PARD3B: variants seen among roughly 807,000 people sequenced by gnomAD.
The protein encoded by PARD3B is par-3 family cell polarity regulator beta, also known as partitioning defective 3 homolog B.
Under a neutral mutation model 130.2 loss-of-function variants are expected in PARD3B, and 103 were observed. The observed-to-expected ratio is 0.79, with a 90% confidence interval of 0.67 to 0.93. The LOEUF is 0.93. Among genes scored for constraint, PARD3B ranks in the 40% least tolerant of loss-of-function variants. The probability of loss-of-function intolerance (pLI) is 0.00; values close to 1 mark genes in which losing one functional copy is unlikely to be tolerated. For missense variants in PARD3B, 1,609 were observed against 1,499.2 expected (o/e 1.07, Z -1.21); for synonymous variants, 583 against 553.2 (o/e 1.05, Z -0.76).
intron 1 of PARD3B, among the ~76,000 whole-genome samples, chr2:204,640,910 A>ATATATTTACTATATATAATG (rs1228079946): frequency 1.4e-5 from 2 of 148,126 alleles, no homozygotes; most frequent in Non-Finnish European, 3.0e-5. Flanking sequence ...TATTTTATAT[A>ATATATTTACTATATATAATG]TATATTTACT....
chr2:204,947,660 C>G (rs1022876237), intron 2 of PARD3B, among the ~76,000 whole-genome samples: 1 of 149,598 alleles, frequency 6.7e-6, no homozygotes, highest in Non-Finnish European at 1.5e-5. Flanking sequence ...TTTTTCCAGG[C>G]CTTAGTTGTT....
chr2:205,371,416 C>A (rs529406935), intron 18 of PARD3B, among the ~76,000 whole-genome samples: 1 of 152,210 alleles, frequency 6.6e-6, no homozygotes, highest in African/African-American at 2.4e-5. Context: ...AAGTTTTGAA[C>A]TATGGTCTGT....
chr2:204,734,132 C>A (rs2039641163), intron 2 of PARD3B, among the ~76,000 whole-genome samples: 1 of 151,924 alleles, frequency 6.6e-6, no homozygotes, highest in African/African-American at 2.4e-5. Context: ...GACATATTTC[C>A]AAAAAAGATA....
At chr2:205,057,657 G>GTA (rs138069446) in intron 4 of PARD3B, among the ~76,000 whole-genome samples, 9,208 of 68,792 alleles carry the variant, frequency 0.13, 837 homozygotes, top group Admixed American at 0.15. Flanking sequence ...ATGTGTATAC[G>GTA]TACATATACA....
chr2:204,707,918 G>A (rs2038254885), intron 2 of PARD3B, among the ~76,000 whole-genome samples: 2 of 151,990 alleles, frequency 1.3e-5, no homozygotes, highest in African/African-American at 2.4e-5. Context: ...ACCCAGAGGC[G>A]GCCACGGGGA....
chr2:205,196,201 A>G (rs11898891), intron 15 of PARD3B, among the ~76,000 whole-genome samples: 29,045 of 152,004 alleles, frequency 0.19, 3,119 homozygotes, highest in African/African-American at 0.29. Context: ...ATCTATGTAC[A>G]TGTCCACATC....
chr2:205,207,482 A>G lies in PARD3B; in HGVS notation c.2140+14162A>G, dbSNP rs936708884. On this transcript the variant is annotated intron_variant, in intron 15 of 22. Transcript: ENST00000406610. ...TGATAGACCGCTAGCAAGACTAATA[A>G]AGAAAAAAAGAGAGATGAATCAAAT... 1.0e-4 allele frequency among the ~76,000 whole-genome samples: 15 copies of G among 146,312 alleles called. 1 individual carries two copies. Among genetic ancestry groups the G allele is most frequent in the African/African-American group, 4.0e-4 (15 of 37,902 alleles).
intron 4 of PARD3B, among the ~76,000 whole-genome samples, chr2:205,103,099 TTTTTATATTTATA>T (rs1232191213): frequency 2.0e-5 from 3 of 146,790 alleles, no homozygotes; most frequent in Non-Finnish European, 3.0e-5. Flanking sequence ...TATTTTTTTA[TTTTTATATTTATA>T]TTTTATATTT....
intron 20 of PARD3B, among the ~76,000 whole-genome samples, chr2:205,469,328 C>T (rs1020818821): frequency 7.2e-5 from 11 of 152,120 alleles, no homozygotes; most frequent in Non-Finnish European, 1.2e-4. Flanking sequence ...CTAGTCAGCA[C>T]GGCTTCCTTC....
intron 20 of PARD3B, among the ~76,000 whole-genome samples, chr2:205,483,828 G>A (rs997311077): frequency 6.6e-6 from 1 of 151,994 alleles, no homozygotes; most frequent in Non-Finnish European, 1.5e-5. Flanking sequence ...ATTGGAAGGG[G>A]GGAAGCTTCT....
At chr2:205,172,708 A>G (rs1424650559) in intron 12 of PARD3B, among the ~76,000 whole-genome samples, 2 of 152,192 alleles carry the variant, frequency 1.3e-5, no homozygotes, top group Admixed American at 1.3e-4. Context: ...AAAGTGTCTA[A>G]TCACATGTGT....
At chr2:204,742,713 A>C (rs942448320) in intron 2 of PARD3B, among the ~76,000 whole-genome samples, 3 of 152,196 alleles carry the variant, frequency 2.0e-5, no homozygotes, top group African/African-American at 7.2e-5. Context: ...ATGATTGCTC[A>C]CTTGTCACTA....
intron 2 of PARD3B, among the ~76,000 whole-genome samples, chr2:204,946,010 C>A (rs1689294786): frequency 6.6e-6 from 1 of 152,206 alleles, no homozygotes; most frequent in South Asian, 2.1e-4. Context: ...CTAATTAGGA[C>A]CAGCTTAAAT....
intron 2 of PARD3B, among the ~76,000 whole-genome samples, chr2:204,809,788 G>T (rs2042900517): frequency 1.3e-5 from 2 of 152,118 alleles, no homozygotes; most frequent in Admixed American, 1.3e-4. Context: ...GAATGTCATT[G>T]GTAGTTTGAT....
In PARD3B at chr2:205,015,683, A is replaced by G. The variant is rs1412439047; in HGVS notation, c.395-31898A>G. Among the ~76,000 whole-genome samples the G allele has an allele frequency of 6.6e-6, 1 of 152,174 alleles. No individual in the cohort carries two copies. ...CCGTATCCATACTTTCTTACTCTAG[A>G]TACTGAGAATCTCTTCTGTCAGTCA... On this transcript the variant is annotated intron_variant, in intron 3 of 22. Transcript: ENST00000406610. This position sits in a 1 kb window ranked among gnomAD's most constrained non-coding sequence, Gnocchi z 4.5.
intron 2 of PARD3B, among the ~76,000 whole-genome samples, chr2:204,747,110 G>T (rs910519383): frequency 2.6e-5 from 4 of 152,092 alleles, no homozygotes; most frequent in African/African-American, 9.7e-5. Context: ...TATGGTTTTA[G>T]GTCTAACGTT....
intron 4 of PARD3B, among the ~76,000 whole-genome samples, chr2:205,051,776 A>G (rs1699208536): frequency 6.6e-6 from 1 of 152,190 alleles, no homozygotes; most frequent in Non-Finnish European, 1.5e-5. Context: ...GATTCTCTGA[A>G]AGCTTCAAAT....
intron 1 of PARD3B, chr2:204,558,083 C>A (rs772942146): frequency 6.6e-6 from 1 of 152,156 alleles, no homozygotes; most frequent in African/African-American, 2.4e-5. Context: ...GCTGAACTCT[C>A]GTTTTTTGGA....
chr2:204,676,283 A>C (rs760156572), intron 1 of PARD3B, among the ~76,000 whole-genome samples: 2 of 151,904 alleles, frequency 1.3e-5, no homozygotes, highest in Non-Finnish European at 2.9e-5. Flanking sequence ...CTTTTTCTTA[A>C]ATTTGTTCAT....
Sources: gnomAD v4.1 joint callset for allele counts (sites outside exome capture counted in the v4.1 genomes callset) on GRCh38, gnomAD v4.1.1 for gene constraint, Gnocchi (gnomAD v3.1) non-coding constraint, MANE v1.5 for transcripts, NCBI Gene and HGNC (gene_info 2026-07-23, HGNC 2026-07-21) for gene names.